Variants in ADAMTSL1 observed in about 807,000 individuals in gnomAD.
ADAMTSL1 encodes the protein ADAMTS-like protein 1.
Under a neutral mutation model 201.8 loss-of-function variants are expected in ADAMTSL1, and 126 were observed. The observed-to-expected ratio is 0.62, with a 90% CI of 0.54 to 0.72. The LOEUF is 0.72. ADAMTSL1 is among the 30% of genes least tolerant of loss of function. The pLI is 0.00. For synonymous variants in ADAMTSL1, 1,121 were observed against 903.4 expected (o/e 1.24, Z -4.32); for missense variants, 2,679 against 2,277.8 (o/e 1.18, Z -3.59).
chr9:18,378,266 A>G (rs1468310502), intron 2 of ADAMTSL1, among the ~76,000 whole-genome samples: 1 of 152,208 alleles, frequency 6.6e-6, no homozygotes, highest in South Asian at 2.1e-4. Context: ...GAAATAGTGT[A>G]TGTGAAGCTC....
intron 2 of ADAMTSL1, among the ~76,000 whole-genome samples, chr9:18,198,298 A>G (rs1466579453): frequency 2.7e-5 from 4 of 149,862 alleles, no homozygotes; most frequent in Non-Finnish European, 5.9e-5. Context: ...CAGCAAAAGA[A>G]ACTACCATCA....
At chr9:18,310,840 A>T (rs1221355196) in intron 2 of ADAMTSL1, among the ~76,000 whole-genome samples, 2 of 152,150 alleles carry the variant, frequency 1.3e-5, no homozygotes, top group African/African-American at 4.8e-5. Context: ...TTGACTCAGC[A>T]ATTCCATTAC....
intron 4 of ADAMTSL1, among the ~76,000 whole-genome samples, chr9:18,582,810 C>A (rs1028269487): frequency 1.3e-5 from 2 of 151,458 alleles, no homozygotes; most frequent in East Asian, 1.9e-4. Context: ...GATTGCACCA[C>A]TGCACTCCAG....
chr9:18,448,722 G>A (rs1009265105), intron 2 of ADAMTSL1, among the ~76,000 whole-genome samples: 8 of 151,912 alleles, frequency 5.3e-5, no homozygotes, highest in Non-Finnish European at 1.0e-4. Context: ...CTATCATAAC[G>A]TAGTATATTT....
intron 25 of ADAMTSL1, 24 bp from the exon 26 acceptor site, chr9:18,892,365 C>T: frequency 6.2e-7 from 1 of 1,601,680 alleles, no homozygotes; most frequent in Non-Finnish European, 8.5e-7. Context: ...TTAGGGCTCT[C>T]CTGACACTTC....
intron 1 of ADAMTSL1, among the ~76,000 whole-genome samples, chr9:18,490,760 G>C (rs1214020437): frequency 6.6e-6 from 1 of 152,204 alleles, no homozygotes. Context: ...TCCGCAGCAA[G>C]ATGTGAGGGA....
At chr9:18,584,982 A>G (rs557979261) in intron 4 of ADAMTSL1, among the ~76,000 whole-genome samples, 11 of 152,216 alleles carry the variant, frequency 7.2e-5, no homozygotes, top group African/African-American at 2.2e-4. Context: ...GGTAACATCT[A>G]TATTTCTATC....
intron 1 of ADAMTSL1, among the ~76,000 whole-genome samples, chr9:18,056,086 T>C (rs1822167912): frequency 6.6e-6 from 1 of 151,968 alleles, no homozygotes; most frequent in Admixed American, 6.5e-5. Flanking sequence ...CTTTATTCTA[T>C]AAGGGGAAAG....
intron 2 of ADAMTSL1, among the ~76,000 whole-genome samples, chr9:18,280,929 G>A (rs1330757667): frequency 7.0e-6 from 1 of 142,832 alleles, no homozygotes; most frequent in East Asian, 2.1e-4. Context: ...AGACTGAAGT[G>A]CGGTGGCATG....
chr9:17,918,011 A>G (rs1015595656), intron 1 of ADAMTSL1, among the ~76,000 whole-genome samples: 7 of 151,896 alleles, frequency 4.6e-5, no homozygotes, highest in Non-Finnish European at 8.9e-5. Flanking sequence ...ATGTAGTTAT[A>G]TTACCTGTAT....
chr9:18,396,173 C>A (rs1462693443), intron 2 of ADAMTSL1, among the ~76,000 whole-genome samples: 7 of 152,140 alleles, frequency 4.6e-5, no homozygotes, highest in African/African-American at 1.7e-4. Context: ...TGGCCTGCCT[C>A]TTAGGTGCTC....
chr9:18,284,844 A>C (rs763612579), intron 2 of ADAMTSL1, among the ~76,000 whole-genome samples: 7 of 152,200 alleles, frequency 4.6e-5, no homozygotes, highest in Non-Finnish European at 8.8e-5. Flanking sequence ...TCTGTTATTA[A>C]TATTTTATAT....
intron 16 of ADAMTSL1, 100 bp from the exon 17 acceptor site, chr9:18,770,502 T>C: frequency 8.1e-7 from 1 of 1,240,332 alleles, no homozygotes; most frequent in Non-Finnish European, 1.1e-6. Flanking sequence ...CTGGATTTTT[T>C]TTTCTTCCTT....
chr9:18,681,779 A>G (rs1378240599), intron 11 of ADAMTSL1, 33 bp from the exon 12 acceptor site: 2 of 1,525,374 alleles, frequency 1.3e-6, no homozygotes, highest in Non-Finnish European at 1.8e-6. Context: ...GGCTTTGCCT[A>G]CGAGTCTCCT....
At chr9:18,391,766 A>AT (rs1315003439) in intron 2 of ADAMTSL1, among the ~76,000 whole-genome samples, 6 of 148,362 alleles carry the variant, frequency 4.0e-5, no homozygotes, top group Non-Finnish European at 7.5e-5. Context: ...GACTCAGATG[A>AT]TTTTTTGTTG....
intron 1 of ADAMTSL1, among the ~76,000 whole-genome samples, chr9:18,477,006 T>C (rs539248238): frequency 3.2e-4 from 48 of 152,348 alleles, no homozygotes; most frequent in Non-Finnish European, 5.6e-4. Context: ...ACTTATATCA[T>C]AAATTTATAT....
At chr9:18,291,022 C>T (rs970727586) in intron 2 of ADAMTSL1, among the ~76,000 whole-genome samples, 3 of 152,046 alleles carry the variant, frequency 2.0e-5, no homozygotes, top group African/African-American at 7.2e-5. Flanking sequence ...ACCTTGTGAT[C>T]CGCCCACCTC....
chr9:18,731,591 A>G (rs1374126512), intron 15 of ADAMTSL1, among the ~76,000 whole-genome samples: 1 of 152,258 alleles, frequency 6.6e-6, no homozygotes, highest in East Asian at 1.9e-4. Flanking sequence ...TGAGTGCACC[A>G]TGCAGTCATG....
At chr9:18,240,114 C>A (rs564157382) in intron 2 of ADAMTSL1, among the ~76,000 whole-genome samples, 2 of 152,174 alleles carry the variant, frequency 1.3e-5, no homozygotes, top group African/African-American at 2.4e-5. Context: ...TTTCCACTTA[C>A]TGTACCCAGA....
Sources: gnomAD v4.1 joint callset for allele counts (sites outside exome capture counted in the v4.1 genomes callset) on GRCh38, gnomAD v4.1.1 for gene constraint, MANE v1.5 for transcripts, NCBI Gene and HGNC (gene_info 2026-07-23, HGNC 2026-07-21) for gene names.